Variants in LHCGR observed in about 807,000 individuals in gnomAD.
The protein encoded by LHCGR is luteinizing hormone/choriogonadotropin receptor.
LHCGR carries 55 observed loss-of-function variants against 60.7 expected under a neutral mutation model. The ratio of observed to expected loss-of-function variants is 0.91; its 90% confidence interval spans 0.73 to 1.13. The LOEUF (loss-of-function observed/expected upper bound fraction) is 1.13, where lower values mean the gene tolerates loss of function less well. LHCGR is among the 50% of genes most tolerant of loss of function. The pLI is 0.00. For synonymous variants in LHCGR, 337 were observed against 316.5 expected (o/e 1.06, Z -0.69); for missense variants, 862 against 836.0 (o/e 1.03, Z -0.38).
chr2:48,718,747 C>T (rs146751532), intron 6 of LHCGR, among the ~76,000 whole-genome samples: 1 of 152,240 alleles, frequency 6.6e-6, no homozygotes, highest in Non-Finnish European at 1.5e-5. Flanking sequence ...TATGAAGACA[C>T]TTCTCTAGTG....
At chr2:48,721,343 C>T (rs963924228) in intron 6 of LHCGR, 18 of 188,084 alleles carry the variant, frequency 9.6e-5, no homozygotes, top group African/African-American at 1.9e-4. Context: ...TATAAGCAGC[C>T]GGTAGAGCTG....
chr2:48,740,266 G>C (rs1197825044), intron 1 of LHCGR, among the ~76,000 whole-genome samples: 1 of 152,218 alleles, frequency 6.6e-6, no homozygotes, highest in Non-Finnish European at 1.5e-5. Flanking sequence ...GGCTGGGGGA[G>C]GGGCGCCTGC....
Position 48,739,992 on chromosome 2 carries a change from C to T in LHCGR, c.162-8694G>A, listed in dbSNP as rs550160045. On this transcript the variant is annotated intron_variant, in intron 1 of 10. Transcript: ENST00000294954. ...CAGGTCAGTGGGTGCGTGCACCATG[C>T]GCGAGCTGAAGCAGGGCGAGGCATC... 9.2e-5 allele frequency among the ~76,000 whole-genome samples: 14 copies of T among 152,260 alleles called. No homozygotes were observed. In the East Asian group the frequency reaches 1.4e-3, roughly 15 times the overall value.
intron 1 of LHCGR, among the ~76,000 whole-genome samples, chr2:48,742,938 A>C (rs1669528612): frequency 6.6e-6 from 1 of 152,218 alleles, no homozygotes; most frequent in Non-Finnish European, 1.5e-5. Flanking sequence ...AAATTGATAA[A>C]CTGCTAGCAA....
At chr2:48,695,633 A>G (rs1422796679) in intron 9 of LHCGR, among the ~76,000 whole-genome samples, 1 of 152,234 alleles carries the variant, frequency 6.6e-6, no homozygotes, top group Non-Finnish European at 1.5e-5. Context: ...TCACAAAAAC[A>G]AAGACATAGA....
chr2:48,750,595 A>C (rs1416181539), intron 1 of LHCGR, among the ~76,000 whole-genome samples: 1 of 152,202 alleles, frequency 6.6e-6, no homozygotes, highest in African/African-American at 2.4e-5. Flanking sequence ...AAAAAATGAC[A>C]TTTAGCTGTA....
rs146220464 is a variant in LHCGR, at chr2:48,691,374, T to C, written c.948-2525A>G. Among the ~76,000 whole-genome samples, 543 of 152,328 alleles carry C rather than the reference T, an allele frequency of 3.6e-3. 5 individuals carry two copies. The highest frequency in any genetic ancestry group is 0.012 in the African/African-American group (514 of 41,580). On this transcript the variant is annotated intron_variant, in intron 10 of 10. Coordinates refer to ENST00000294954, the MANE Select transcript of LHCGR (RefSeq NM_000233.4). ...TGGAACTAGAGAAGGGCTGCTGCTA[T>C]GTACAGAAGACCGCATAGGAACCTC...
chr2:48,723,958 C>G (rs1248832302), intron 4 of LHCGR, among the ~76,000 whole-genome samples: 3 of 152,136 alleles, frequency 2.0e-5, no homozygotes, highest in African/African-American at 4.8e-5. Context: ...ATTTAAAGGT[C>G]TTTTTCATTT....
At chr2:48,755,084 G>A (rs1670147005) in intron 1 of LHCGR, among the ~76,000 whole-genome samples, 2 of 152,082 alleles carry the variant, frequency 1.3e-5, no homozygotes, top group African/African-American at 4.8e-5. Flanking sequence ...ATTCCTAGAG[G>A]ACCACAGGGT....
intron 6 of LHCGR, among the ~76,000 whole-genome samples, chr2:48,722,473 A>G (rs1668542504): frequency 6.6e-6 from 1 of 152,120 alleles, no homozygotes; most frequent in Non-Finnish European, 1.5e-5. Flanking sequence ...GCCTGGTGGG[A>G]GGTGACTGGA....
intron 6 of LHCGR, among the ~76,000 whole-genome samples, chr2:48,714,963 G>C (rs973033548): frequency 1.1e-4 from 16 of 152,146 alleles, no homozygotes; most frequent in African/African-American, 3.6e-4. Context: ...GATATGCTTT[G>C]TCTGGGGCTA....
chr2:48,698,497 C>T (rs1195180260), intron 9 of LHCGR, 118 bp downstream of exon 9: 4 of 792,144 alleles, frequency 5.0e-6, no homozygotes, highest in Admixed American at 1.9e-5. Flanking sequence ...CCCATGTCTA[C>T]GGAGCTGGCC....
At chr2:48,706,775 A>G (rs1667701845) in intron 8 of LHCGR, among the ~76,000 whole-genome samples, 1 of 152,106 alleles carries the variant, frequency 6.6e-6, no homozygotes, top group Non-Finnish European at 1.5e-5. Context: ...TGATTTTTCT[A>G]GTTAGCCATT....
rs1333470642 is a variant in LHCGR, at chr2:48,750,132, A to AT, written c.161+5378dup. 5.9e-5 allele frequency among the ~76,000 whole-genome samples: 9 copies of AT among 151,940 alleles called. No homozygotes were observed. In the South Asian group the frequency reaches 1.0e-3, roughly 18 times the overall value. ...GGACATAAACTTTCTTAATTCTGAG[A>AT]TTTTTTGGCTGGCCCAGATTTAGGA... is the stretch of plus-strand genomic sequence containing the variant. On this transcript the variant is annotated intron_variant, in intron 1 of 10. Coordinates refer to ENST00000294954, the MANE Select transcript of LHCGR (RefSeq NM_000233.4).
At chr2:48,713,641 A>T (rs551640409) in intron 7 of LHCGR, among the ~76,000 whole-genome samples, 2 of 152,326 alleles carry the variant, frequency 1.3e-5, no homozygotes, top group African/African-American at 4.8e-5. Flanking sequence ...CAGTGGGGCC[A>T]GGAGAAGAAT....
At chr2:48,740,576 G>T (rs1254419425) in intron 1 of LHCGR, among the ~76,000 whole-genome samples, 1 of 152,134 alleles carries the variant, frequency 6.6e-6, no homozygotes, top group African/African-American at 2.4e-5. Flanking sequence ...CCCCCAGTAG[G>T]GGCAGACTGA....
chr2:48,690,575 A>T (rs1442930311), intron 10 of LHCGR, among the ~76,000 whole-genome samples: 1 of 152,054 alleles, frequency 6.6e-6, no homozygotes, highest in Non-Finnish European at 1.5e-5. Flanking sequence ...ACATAAAATG[A>T]CTCGTAGTTC....
intron 6 of LHCGR, among the ~76,000 whole-genome samples, chr2:48,714,483 C>CTT (rs61510695): frequency 1.0e-4 from 14 of 139,922 alleles, no homozygotes; most frequent in Non-Finnish European, 1.4e-4. Flanking sequence ...ACTGAGCCCA[C>CTT]TTTTTTTTTT....
chr2:48,752,981 C>CGG (rs60837194), intron 1 of LHCGR, among the ~76,000 whole-genome samples: 23 of 7,606 alleles, frequency 3.0e-3, no homozygotes, highest in African/African-American at 5.7e-3. Context: ...CGGATTTTGG[C>CGG]GGGGGGGGGG....
Sources: gnomAD v4.1 joint callset for allele counts (sites outside exome capture counted in the v4.1 genomes callset) on GRCh38, gnomAD v4.1.1 for gene constraint, MANE v1.5 for transcripts, NCBI Gene and HGNC (gene_info 2026-07-23, HGNC 2026-07-21) for gene names.